Variants in EFCAB13 observed in about 807,000 individuals in gnomAD.
EFCAB13 encodes the protein EF-hand calcium-binding domain-containing protein 13.
EFCAB13 carries 91 observed loss-of-function variants against 110.2 expected under a neutral mutation model. That is an observed-to-expected ratio of 0.83 (90% confidence interval 0.70 to 0.98). EFCAB13 has a LOEUF of 0.98. Ranked by LOEUF, EFCAB13 falls within the 50% of genes least tolerant of loss-of-function variation. The pLI, the probability that EFCAB13 is intolerant of heterozygous loss-of-function variation, is 0.00. For missense variants in EFCAB13, 968 were observed against 1,119.4 expected, an observed-to-expected ratio of 0.86 and a Z score of 1.93; for synonymous variants, 323 against 369.9, an observed-to-expected ratio of 0.87 and a Z score of 1.45.
intron 14 of EFCAB13, among the ~76,000 whole-genome samples, chr17:47,387,064 G>A (rs2065680844): frequency 1.3e-5 from 2 of 152,156 alleles, no homozygotes; most frequent in African/African-American, 4.8e-5. Context: ...GGGAGCTGCA[G>A]ACCGGAGCTG....
chr17:47,413,419 T>C (rs756587858), intron 22 of EFCAB13, among the ~76,000 whole-genome samples: 25 of 152,196 alleles, frequency 1.6e-4, no homozygotes, highest in Non-Finnish European at 2.8e-4. Flanking sequence ...TCCTTTCCTA[T>C]ACACATTTAC....
At chr17:47,334,499 T>TTATCTAAAATC (rs1280719251) in intron 4 of EFCAB13, among the ~76,000 whole-genome samples, 1 of 152,234 alleles carries the variant, frequency 6.6e-6, no homozygotes, top group Admixed American at 6.5e-5. Flanking sequence ...GATCATGGCT[T>TTATCTAAAATC]TAGTTTGTAT....
Position 47,395,856 on chromosome 17 carries a change from C to G in EFCAB13, c.1824C>G (p.Thr608=). 1.2e-6 allele frequency: 2 copies of G among 1,607,684 alleles called. No homozygotes were observed. The highest frequency in any genetic ancestry group is 1.7e-6 in the Non-Finnish European group (2 of 1,176,016). The change falls in exon 17 of 25, where the codon ACC becomes ACG. Residue 608 remains threonine, a synonymous_variant. Transcript: ENST00000331493. ...TAGTATTGCCTGATGCTATTGAAACCCTCGACGATCTCAGAAAGGAGACGA... is the reference window on the plus strand; with the variant it reads ...TAGTATTGCCTGATGCTATTGAAACGCTCGACGATCTCAGAAAGGAGACGA... ...EKLVLPDAIE[T]LDDLRKETMS... is the part of the protein sequence containing the mutation.
chr17:47,406,716 T>C (rs982978360), intron 20 of EFCAB13, among the ~76,000 whole-genome samples: 1 of 152,184 alleles, frequency 6.6e-6, no homozygotes, highest in African/African-American at 2.4e-5. Flanking sequence ...ATTCCACATA[T>C]TTGGTGGAAA....
At chr17:47,373,289 A>G (rs1181378922) in intron 11 of EFCAB13, among the ~76,000 whole-genome samples, 1 of 152,068 alleles carries the variant, frequency 6.6e-6, no homozygotes, top group East Asian at 1.9e-4. Flanking sequence ...GTGTAATTTC[A>G]GTGTCTCTGT....
intron 5 of EFCAB13, chr17:47,339,876 T>C (rs2065374019): frequency 6.6e-6 from 1 of 152,112 alleles, no homozygotes; most frequent in Admixed American, 6.5e-5. Flanking sequence ...GAAATGCTGA[T>C]TGCATGTCTG....
chr17:47,389,767 T>A (rs531931255), intron 14 of EFCAB13, among the ~76,000 whole-genome samples: 1 of 152,162 alleles, frequency 6.6e-6, no homozygotes, highest in South Asian at 2.1e-4. Flanking sequence ...GAAAGAAAAA[T>A]GTTTCTGTTA....
At chr17:47,439,898 C>G (rs1905284793) in intron 24 of EFCAB13, among the ~76,000 whole-genome samples, 1 of 151,934 alleles carries the variant, frequency 6.6e-6, no homozygotes, top group African/African-American at 2.4e-5. Flanking sequence ...AGCAGTATCA[C>G]TCTCAATGAG....
intron 11 of EFCAB13, among the ~76,000 whole-genome samples, chr17:47,370,848 T>C (rs984664748): frequency 1.3e-5 from 2 of 151,312 alleles, no homozygotes; most frequent in African/African-American, 4.9e-5. Flanking sequence ...CTCAAGTGAT[T>C]CTCCTGCCTC....
At chr17:47,340,248 G>T in intron 5 of EFCAB13, among the ~76,000 whole-genome samples, 1 of 150,022 alleles carries the variant, frequency 6.7e-6, no homozygotes. Context: ...TTTAAAGTCA[G>T]TTGAATCTGT....
intron 5 of EFCAB13, among the ~76,000 whole-genome samples, chr17:47,338,553 T>C (rs574602409): frequency 7.4e-5 from 11 of 149,498 alleles, no homozygotes; most frequent in African/African-American, 2.2e-4. Flanking sequence ...GCTGGTTTAC[T>C]ACTAGTTTTT....
chr17:47,411,795 A>G (rs962460549), intron 21 of EFCAB13, among the ~76,000 whole-genome samples: 1 of 152,218 alleles, frequency 6.6e-6, no homozygotes, highest in African/African-American at 2.4e-5. Flanking sequence ...GAGAAATGGT[A>G]CAGATGAAAA....
intron 21 of EFCAB13, among the ~76,000 whole-genome samples, chr17:47,410,054 T>A (rs1337087700): frequency 6.6e-6 from 1 of 152,278 alleles, no homozygotes. Context: ...CTGATCCTCT[T>A]TGCCTACTGT....
chr17:47,390,168 T>A (rs1322490074), intron 14 of EFCAB13, among the ~76,000 whole-genome samples: 1 of 152,202 alleles, frequency 6.6e-6, no homozygotes, highest in African/African-American at 2.4e-5. Flanking sequence ...ATTTAATTTG[T>A]TCTAGAGTTT....
intron 20 of EFCAB13, chr17:47,409,351 G>C: frequency 3.4e-6 from 1 of 293,104 alleles, no homozygotes. Flanking sequence ...TGAATAGACC[G>C]GCTGGGGATT....
intron 23 of EFCAB13, among the ~76,000 whole-genome samples, chr17:47,421,911 T>G (rs1314277143): frequency 6.6e-6 from 1 of 152,204 alleles, no homozygotes; most frequent in East Asian, 1.9e-4. Context: ...CACTCTTACA[T>G]AAACTCTTTC....
intron 11 of EFCAB13, among the ~76,000 whole-genome samples, chr17:47,373,553 C>T (rs1382173364): frequency 6.6e-6 from 1 of 152,072 alleles, no homozygotes; most frequent in Non-Finnish European, 1.5e-5. Context: ...ACTGGGAAAG[C>T]CCTTAATCAG....
chr17:47,381,726 CA>C lies in EFCAB13; in HGVS notation c.1582+2474del, dbSNP rs373898284. ...TGGGTCTATATATCTGTTCTGGTAC[CA>C]GTACCATGCTGTTTGCTGTTTTGAT... On this transcript the variant is annotated intron_variant, in intron 14 of 24. Transcript: ENST00000331493. Among the ~76,000 whole-genome samples the C allele has an allele frequency of 3.0e-3, 456 of 152,196 alleles. 2 individuals are homozygous for C. Among genetic ancestry groups the C allele is most frequent in the African/African-American group, 0.011 (436 of 41,512 alleles).
intron 14 of EFCAB13, among the ~76,000 whole-genome samples, chr17:47,383,727 T>G (rs927653042): frequency 1.3e-5 from 2 of 152,180 alleles, no homozygotes; most frequent in African/African-American, 2.4e-5. Context: ...AAGTGCGATG[T>G]AGTGCTGAGA....
Sources: gnomAD v4.1 joint callset for allele counts (sites outside exome capture counted in the v4.1 genomes callset) on GRCh38, gnomAD v4.1.1 for gene constraint, MANE v1.5 for transcripts, NCBI Gene and HGNC (gene_info 2026-07-23, HGNC 2026-07-21) for gene names.